MKLN1: variants seen among roughly 807,000 people sequenced by gnomAD.
MKLN1 encodes muskelin 1, also known as muskelin.
Under a neutral mutation model 99.0 loss-of-function variants are expected in MKLN1, and 18 were observed. The ratio of observed to expected loss-of-function variants is 0.18; its 90% CI spans 0.13 to 0.27. The LOEUF (loss-of-function observed/expected upper bound fraction) is 0.27, where lower values mean the gene tolerates loss of function less well. Among genes scored for constraint, MKLN1 ranks in the 10% least tolerant of loss-of-function variants. The probability of loss-of-function intolerance (pLI) is 1.00; values close to 1 mark genes in which losing one functional copy is unlikely to be tolerated. For missense variants in MKLN1, 621 were observed against 875.9 expected (o/e 0.71, Z 3.67); for synonymous variants, 288 against 293.2 (o/e 0.98, Z 0.18).
intron 1 of MKLN1, among the ~76,000 whole-genome samples, chr7:131,364,819 G>A (rs1267335171): frequency 6.6e-6 from 1 of 152,080 alleles, no homozygotes; most frequent in Non-Finnish European, 1.5e-5. Flanking sequence ...GTATTCCATG[G>A]TGCATATGTA....
chr7:131,183,145 T>C (rs1392205240), intron 2 of MKLN1, among the ~76,000 whole-genome samples: 2 of 152,218 alleles, frequency 1.3e-5, no homozygotes, highest in Non-Finnish European at 2.9e-5. Context: ...TATCTTATCA[T>C]TAAAAATCAA....
At chr7:131,272,492 A>G (rs1797901007) in intron 3 of MKLN1, among the ~76,000 whole-genome samples, 1 of 152,232 alleles carries the variant, frequency 6.6e-6, no homozygotes, top group Non-Finnish European at 1.5e-5. Flanking sequence ...GCATGGGCCA[A>G]TCAAAAGAAT....
chr7:131,476,215 ACC>A (rs1796961566), intron 16 of MKLN1, among the ~76,000 whole-genome samples: 1 of 152,154 alleles, frequency 6.6e-6, no homozygotes, highest in Non-Finnish European at 1.5e-5. Context: ...TAAACATTTA[ACC>A]CTTTTCCCTA....
chr7:131,386,753 T>C (rs367885398), intron 2 of MKLN1, among the ~76,000 whole-genome samples: 1 of 152,340 alleles, frequency 6.6e-6, no homozygotes, highest in South Asian at 2.1e-4. Flanking sequence ...GTAGAGTCCA[T>C]AGAAATATGT....
intron 2 of MKLN1, chr7:131,143,079 T>C: frequency 2.2e-6 from 1 of 461,780 alleles, no homozygotes; most frequent in South Asian, 2.0e-5. Flanking sequence ...TCTAGTTGTT[T>C]TCACAATGTT....
intron 1 of MKLN1, among the ~76,000 whole-genome samples, chr7:131,345,002 C>T (rs1563302986): frequency 6.6e-6 from 1 of 152,122 alleles, no homozygotes; most frequent in African/African-American, 2.4e-5. Flanking sequence ...GACGGGGTTT[C>T]ACCATGTTGG....
At chr7:131,246,355 C>T (rs1251505128) in intron 3 of MKLN1, among the ~76,000 whole-genome samples, 1 of 152,044 alleles carries the variant, frequency 6.6e-6, no homozygotes, top group African/African-American at 2.4e-5. Context: ...TGAGAAGATT[C>T]GGGTTTGGGA....
At chr7:131,243,661 C>T (rs1252612277) in intron 3 of MKLN1, among the ~76,000 whole-genome samples, 1 of 152,116 alleles carries the variant, frequency 6.6e-6, no homozygotes, top group Non-Finnish European at 1.5e-5. Context: ...CTGCTATTGG[C>T]CATGCTTCTA....
At chr7:131,244,370 C>G (rs940006686) in intron 3 of MKLN1, among the ~76,000 whole-genome samples, 1 of 152,120 alleles carries the variant, frequency 6.6e-6, no homozygotes, top group Non-Finnish European at 1.5e-5. Flanking sequence ...ACACTATGTC[C>G]CTGGCCTCCT....
chr7:131,359,112 T>C (rs1799958021), intron 1 of MKLN1, among the ~76,000 whole-genome samples: 1 of 152,184 alleles, frequency 6.6e-6, no homozygotes, highest in African/African-American at 2.4e-5. Context: ...GCTTAAGTGA[T>C]TGACTTTAAG....
At chr7:131,430,232 C>T (rs948371377) in intron 9 of MKLN1, among the ~76,000 whole-genome samples, 2 of 151,810 alleles carry the variant, frequency 1.3e-5, no homozygotes, top group East Asian at 1.9e-4. Flanking sequence ...AGTGCTGTGT[C>T]GTTAATCCTG....
intron 16 of MKLN1, chr7:131,471,974 C>T (rs1360000124): frequency 6.6e-6 from 1 of 152,130 alleles, no homozygotes; most frequent in African/African-American, 2.4e-5. Context: ...TGATTATGGC[C>T]CTTCAGTAGG....
At chr7:131,330,484 G>C (rs960792844) in intron 1 of MKLN1, among the ~76,000 whole-genome samples, 4 of 152,252 alleles carry the variant, frequency 2.6e-5, no homozygotes, top group Non-Finnish European at 2.9e-5. Context: ...AGGAATCTCC[G>C]TTTGCCAGAT....
At chr7:131,231,119 C>CAAA (rs58048470) in intron 3 of MKLN1, among the ~76,000 whole-genome samples, 15,888 of 60,376 alleles carry the variant, frequency 0.26, 3,567 homozygotes, top group East Asian at 0.63. Flanking sequence ...GACTCTGTCT[C>CAAA]AAAAAAAAAA....
chr7:131,351,837 A>G (rs1799729220), intron 1 of MKLN1, among the ~76,000 whole-genome samples: 1 of 152,236 alleles, frequency 6.6e-6, no homozygotes, highest in South Asian at 2.1e-4. Context: ...TCCACTTTTC[A>G]TTAATAGTGT....
intron 3 of MKLN1, among the ~76,000 whole-genome samples, chr7:131,228,211 G>A (rs578124429): frequency 6.6e-6 from 1 of 152,230 alleles, no homozygotes; most frequent in Admixed American, 6.5e-5. Flanking sequence ...CTACAGGTGT[G>A]CACCACCATA....
chr7:131,142,718 G>A, intron 1 of MKLN1: 1 of 359,306 alleles, frequency 2.8e-6, no homozygotes, highest in Non-Finnish European at 5.4e-6. Flanking sequence ...CTGGGCAACA[G>A]AGCAAGACTA....
intron 8 of MKLN1, 35 bp downstream of exon 8, chr7:131,414,745 A>G: frequency 7.6e-7 from 1 of 1,315,360 alleles, no homozygotes; most frequent in Non-Finnish European, 1.0e-6. Context: ...CAAAATCTTC[A>G]TTGGCTACAG....
intron 8 of MKLN1, among the ~76,000 whole-genome samples, chr7:131,418,353 G>A (rs1251513014): frequency 8.1e-6 from 1 of 124,138 alleles, no homozygotes; most frequent in Non-Finnish European, 1.6e-5. Context: ...TGGGAGACAA[G>A]AGCAAGACTT....
Sources: gnomAD v4.1 joint callset for allele counts (sites outside exome capture counted in the v4.1 genomes callset) on GRCh38, gnomAD v4.1.1 for gene constraint, MANE v1.5 for transcripts, NCBI Gene and HGNC (gene_info 2026-07-23, HGNC 2026-07-21) for gene names.